Variants in AKR1C8 observed in about 807,000 individuals in gnomAD.
AKR1C8 encodes the protein aldo-keto reductase family 1 member C-like protein 1.
At chr10:5,117,391 C>T in the AKR1C8 span, among the ~76,000 whole-genome samples, 1 of 152,064 alleles carries the variant, frequency 6.6e-6, no homozygotes, top group African/African-American at 2.4e-5. Flanking sequence ...CATATCCACC[C>T]TCAATCGAGG....
chr10:5,170,351 T>C, the AKR1C8 span, among the ~76,000 whole-genome samples: 1 of 152,264 alleles, frequency 6.6e-6, no homozygotes, highest in Admixed American at 6.5e-5. Flanking sequence ...CTCTTCAGTT[T>C]CCCATTTTTA....
chr10:5,161,174 C>G, the AKR1C8 span, among the ~76,000 whole-genome samples: 2 of 152,160 alleles, frequency 1.3e-5, no homozygotes, highest in African/African-American at 4.8e-5. Flanking sequence ...CAGGTTCCAT[C>G]CTCCACACAT....
the AKR1C8 span, among the ~76,000 whole-genome samples, chr10:5,119,540 T>C: frequency 6.6e-6 from 1 of 152,192 alleles, no homozygotes; most frequent in Non-Finnish European, 1.5e-5. Context: ...CTCTATCTTT[T>C]CTATTTTCTA....
chr10:5,138,941 G>A, the AKR1C8 span, among the ~76,000 whole-genome samples: 7 of 152,302 alleles, frequency 4.6e-5, no homozygotes, highest in South Asian at 1.2e-3. Flanking sequence ...TCCTTAAGCT[G>A]ATAAGCAACT....
At chr10:5,158,733 G>T in the AKR1C8 span, 3 of 475,258 alleles carry the variant, frequency 6.3e-6, no homozygotes, top group East Asian at 1.3e-4. Flanking sequence ...AGACCAAAAG[G>T]TGTCACAATA....
the AKR1C8 span, among the ~76,000 whole-genome samples, chr10:5,124,994 A>C: frequency 6.6e-6 from 1 of 152,044 alleles, no homozygotes; most frequent in Non-Finnish European, 1.5e-5. Context: ...GAAAACGTAA[A>C]AAAAAAAAGT....
At chr10:5,147,842 G>C in the AKR1C8 span, among the ~76,000 whole-genome samples, 1 of 152,234 alleles carries the variant, frequency 6.6e-6, no homozygotes, top group African/African-American at 2.4e-5. Context: ...GACGGCTGTG[G>C]TCCTGCTCCC....
chr10:5,116,588 C>T, the AKR1C8 span, among the ~76,000 whole-genome samples: 2 of 152,186 alleles, frequency 1.3e-5, no homozygotes, highest in Non-Finnish European at 2.9e-5. Context: ...TCTAATCATG[C>T]TTCTTCCAAG....
chr10:5,142,136 A>G, the AKR1C8 span, among the ~76,000 whole-genome samples: 1 of 152,016 alleles, frequency 6.6e-6, no homozygotes, highest in Non-Finnish European at 1.5e-5. Flanking sequence ...GGCTTATTTT[A>G]TTCAACCTCA....
At chr10:5,163,772 A>G in the AKR1C8 span, among the ~76,000 whole-genome samples, 9 of 152,172 alleles carry the variant, frequency 5.9e-5, no homozygotes, top group South Asian at 2.1e-4. Flanking sequence ...ATAAAAACAC[A>G]TTTGTCCTTT....
At chr10:5,184,971 C>G in the AKR1C8 span, 1 of 532,448 alleles carries the variant, frequency 1.9e-6, no homozygotes. Flanking sequence ...CCTGCAAGTA[C>G]AGCTGACCTA....
At chr10:5,182,477 A>ATT in the AKR1C8 span, among the ~76,000 whole-genome samples, 1 of 152,336 alleles carries the variant, frequency 6.6e-6, no homozygotes, top group South Asian at 2.1e-4. Flanking sequence ...GACCTCAAAA[A>ATT]GAGAAAAATT....
At chr10:5,117,743 G>A in the AKR1C8 span, among the ~76,000 whole-genome samples, 29,005 of 152,066 alleles carry the variant, frequency 0.19, 3,699 homozygotes, top group East Asian at 0.63. Context: ...AGCATGTTCC[G>A]AGTTCACAGA....
At chr10:5,117,052 T>C in the AKR1C8 span, among the ~76,000 whole-genome samples, 1 of 152,170 alleles carries the variant, frequency 6.6e-6, no homozygotes, top group Admixed American at 6.6e-5. Context: ...TTTTACATTT[T>C]TACATTGAAA....
chr10:5,122,961 T>G, the AKR1C8 span, among the ~76,000 whole-genome samples: 3 of 152,122 alleles, frequency 2.0e-5, no homozygotes, highest in African/African-American at 4.8e-5. Context: ...ATTTGGAGAC[T>G]AGAGAACACC....
At chr10:5,134,675 G>C in the AKR1C8 span, among the ~76,000 whole-genome samples, 1 of 152,150 alleles carries the variant, frequency 6.6e-6, no homozygotes, top group Non-Finnish European at 1.5e-5. Flanking sequence ...CCACACAGCA[G>C]CTCAGCAATA....
At chr10:5,121,076 TTTTC>T in the AKR1C8 span, among the ~76,000 whole-genome samples, 2 of 150,152 alleles carry the variant, frequency 1.3e-5, no homozygotes, top group Admixed American at 1.3e-4. Context: ...ACATAGAGGC[TTTTC>T]TTTTTTTGAT....
At chr10:5,165,953 T>C in the AKR1C8 span, among the ~76,000 whole-genome samples, 1 of 152,088 alleles carries the variant, frequency 6.6e-6, no homozygotes, top group African/African-American at 2.4e-5. Flanking sequence ...AAGGTGACAC[T>C]TGCATCCATG....
At chr10:5,127,336 G>T in the AKR1C8 span, among the ~76,000 whole-genome samples, 4 of 152,246 alleles carry the variant, frequency 2.6e-5, no homozygotes, top group Middle Eastern at 3.4e-3. Context: ...AAATGCAGTG[G>T]AAAGTTTCAA....
Sources: gnomAD v4.1 joint callset for allele counts (sites outside exome capture counted in the v4.1 genomes callset) on GRCh38, gnomAD v4.1.1 for gene constraint, MANE v1.5 for transcripts, NCBI Gene and HGNC (gene_info 2026-07-23, HGNC 2026-07-21) for gene names.